The following NAA60 variants were observed in gnomAD, a reference collection of about 807,000 sequenced individuals.
The protein encoded by NAA60 is N-alpha-acetyltransferase 60, NatF catalytic subunit.
A neutral mutation model predicts 26.1 loss-of-function variants in NAA60; 8 were observed. The observed-to-expected ratio is 0.31, with a 90% CI of 0.18 to 0.55. The LOEUF is 0.55. Ranked by LOEUF, NAA60 falls within the 20% of genes least tolerant of loss-of-function variation. The pLI is 0.93. For synonymous variants in NAA60, 131 were observed against 122.5 expected, an observed-to-expected ratio of 1.07 and a Z score of -0.46; for missense variants, 290 against 311.3, an observed-to-expected ratio of 0.93 and a Z score of 0.51.
At chr16:3,477,551 A>G (rs2036556300) in intron 3 of NAA60, among the ~76,000 whole-genome samples, 1 of 151,330 alleles carries the variant, frequency 6.6e-6, no homozygotes, top group Non-Finnish European at 1.5e-5. Context: ...CTGTAATCCC[A>G]GCACTTTGGG....
At chr16:3,475,587 G>A (rs2036429160) in intron 2 of NAA60, among the ~76,000 whole-genome samples, 1 of 152,138 alleles carries the variant, frequency 6.6e-6, no homozygotes, top group African/African-American at 2.4e-5. Context: ...CTGATTTAAA[G>A]GAGTCCTTGG....
chr16:3,450,612 A>G lies in NAA60; in HGVS notation c.-7+2072A>G, dbSNP rs2034738654. 3.4e-5 allele frequency among the ~76,000 whole-genome samples: 5 copies of G among 147,462 alleles called. No homozygotes were observed. The Admixed American group carries it at 3.4e-4, about 10-fold the overall frequency. On this transcript the variant is annotated intron_variant, in intron 2 of 7. Transcript: ENST00000407558. Reference sequence around the variant, plus strand: ...CTACTCGGGAGGCTGAGGCAGGAGAATGGTGTGAACCCGGGAGGCGGAGTT... The same window carrying G: ...CTACTCGGGAGGCTGAGGCAGGAGAGTGGTGTGAACCCGGGAGGCGGAGTT...
At chr16:3,464,611 T>C (rs2035621726) in intron 2 of NAA60, among the ~76,000 whole-genome samples, 1 of 152,182 alleles carries the variant, frequency 6.6e-6, no homozygotes, top group African/African-American at 2.4e-5. Context: ...TGGTTGAGCC[T>C]TAAACAGGGT....
intron 2 of NAA60, among the ~76,000 whole-genome samples, chr16:3,467,091 C>G (rs933287047): frequency 6.6e-6 from 1 of 151,930 alleles, no homozygotes; most frequent in African/African-American, 2.4e-5. Context: ...GGTGCTTGGG[C>G]CAGAGAGAAA....
intron 2 of NAA60, among the ~76,000 whole-genome samples, chr16:3,469,085 CAAA>C (rs57070540): frequency 7.7e-6 from 1 of 129,144 alleles, no homozygotes; most frequent in Non-Finnish European, 1.6e-5. Flanking sequence ...GACAACATCT[CAAA>C]AAAAAAAAAA....
chr16:3,449,234 G>A (rs911952537), intron 2 of NAA60, among the ~76,000 whole-genome samples: 4 of 151,966 alleles, frequency 2.6e-5, no homozygotes, highest in Non-Finnish European at 5.9e-5. Context: ...ATGTAGCCGG[G>A]TGTGCTGGGC....
intron 6 of NAA60, 76 bp downstream of exon 6, chr16:3,483,673 C>G (rs2036987347): frequency 8.8e-7 from 1 of 1,131,934 alleles, no homozygotes; most frequent in Non-Finnish European, 1.3e-6. Flanking sequence ...CAAGTTGGAG[C>G]TGTGGTCCCC....
intron 3 of NAA60, among the ~76,000 whole-genome samples, chr16:3,478,825 C>G (rs898060176): frequency 3.3e-5 from 5 of 152,214 alleles, no homozygotes; most frequent in African/African-American, 1.2e-4. Context: ...AGGCACTCCT[C>G]CAGTGTCCAA....
chr16:3,471,113 A>G (rs1016378894), intron 2 of NAA60, among the ~76,000 whole-genome samples: 1 of 152,164 alleles, frequency 6.6e-6, no homozygotes, highest in Admixed American at 6.5e-5. Flanking sequence ...ATACTGGGGG[A>G]AATGTGCAGT....
intron 2 of NAA60, among the ~76,000 whole-genome samples, chr16:3,470,561 GTCTC>G (rs1008820689): frequency 6.6e-6 from 1 of 152,160 alleles, no homozygotes; most frequent in African/African-American, 2.4e-5. Flanking sequence ...AGCCAGCTCC[GTCTC>G]TCTCTCCTTG....
At chr16:3,448,605 A>C in intron 2 of NAA60, 65 bp downstream of exon 2, 1 of 1,359,100 alleles carries the variant, frequency 7.4e-7, no homozygotes, top group Non-Finnish European at 1.0e-6. Flanking sequence ...AGCCTACTTA[A>C]GTGAAATCCA....
intron 1 of NAA60, 25 bp downstream of exon 1, chr16:3,443,862 T>A: frequency 6.5e-7 from 1 of 1,528,212 alleles, no homozygotes; most frequent in Non-Finnish European, 8.7e-7. Flanking sequence ...CAGTGCCCTG[T>A]AGGCCTGAAA....
At chr16:3,476,427 A>G (rs965145795) in intron 3 of NAA60, 90 bp downstream of exon 3, 24 of 1,077,176 alleles carry the variant, frequency 2.2e-5, no homozygotes, top group Non-Finnish European at 2.6e-5. Context: ...TTGGGCCCTT[A>G]GGACCGTGCT....
At chr16:3,482,632 C>T (rs1465005732) in intron 5 of NAA60, 34 bp downstream of exon 5, 39 of 1,481,522 alleles carry the variant, frequency 2.6e-5, no homozygotes, top group Non-Finnish European at 3.5e-5. Context: ...TTGGCGCCCA[C>T]CCCACCCCCT....
intron 2 of NAA60, among the ~76,000 whole-genome samples, chr16:3,457,729 G>A (rs1456440758): frequency 2.0e-5 from 3 of 152,238 alleles, no homozygotes; most frequent in African/African-American, 7.2e-5. Context: ...CCACTCGGTA[G>A]AGCCGCGGGA....
At chr16:3,482,885 A>G in intron 5 of NAA60, 1 of 526,708 alleles carries the variant, frequency 1.9e-6, no homozygotes, top group Non-Finnish European at 3.4e-6. Context: ...GGCACCTCTC[A>G]CTTCTGCTGC....
intron 3 of NAA60, among the ~76,000 whole-genome samples, chr16:3,478,993 T>G (rs1317080571): frequency 1.3e-5 from 2 of 152,052 alleles, no homozygotes; most frequent in Non-Finnish European, 2.9e-5. Context: ...CCCAGTACTT[T>G]GGGAGGCCAA....
intron 2 of NAA60, among the ~76,000 whole-genome samples, chr16:3,467,078 G>C (rs2035810983): frequency 6.6e-6 from 1 of 152,156 alleles, no homozygotes; most frequent in African/African-American, 2.4e-5. Flanking sequence ...ATGTCAGACA[G>C]TGGGTGCTTG....
At chr16:3,458,031 TGCCGCGGGCTGCCGCCTCCGTCCCG>T (rs1186464337) in intron 2 of NAA60, 33 of 985,114 alleles carry the variant, frequency 3.3e-5, no homozygotes, top group Non-Finnish European at 4.0e-5. Context: ...GAGGCGGAAG[TGCCGCGGGCTGCCGCCTCCGTCCCG>T]GCTGCGGCCC....
Sources: allele counts gnomAD v4.1 joint callset (sites outside exome capture counted in the v4.1 genomes callset), GRCh38; gene constraint gnomAD v4.1.1; transcripts MANE v1.5; gene names NCBI Gene and HGNC (gene_info 2026-07-23, HGNC 2026-07-21).